PDE10A: variants seen among roughly 807,000 people sequenced by gnomAD.
The protein encoded by PDE10A is phosphodiesterase 10A.
Under a neutral mutation model 97.7 loss-of-function variants are expected in PDE10A, and 39 were observed. That is an observed-to-expected ratio of 0.40 (90% CI 0.31 to 0.52). The LOEUF is 0.52. Among genes scored for constraint, PDE10A ranks in the 20% least tolerant of loss-of-function variants. The pLI is 0.56. For synonymous variants in PDE10A, 371 were observed against 376.8 expected (o/e 0.98, Z 0.18); for missense variants, 731 against 1,047.8 (o/e 0.70, Z 4.17).
chr6:165,411,044 G>A (rs112903158), intron 13 of PDE10A, among the ~76,000 whole-genome samples: 5,910 of 80,724 alleles, frequency 0.073, 453 homozygotes, highest in Middle Eastern at 0.1. Flanking sequence ...CCGAGACAGC[G>A]CCACTGCCCT....
intron 1 of PDE10A, among the ~76,000 whole-genome samples, chr6:165,908,419 G>A (rs896717146): frequency 6.6e-6 from 1 of 152,222 alleles, no homozygotes; most frequent in Non-Finnish European, 1.5e-5. Flanking sequence ...AAAAGAGAAA[G>A]GGGCTTTAAG....
chr6:165,666,340 A>G (rs1434838011), upstream of PDE10A, among the ~76,000 whole-genome samples: 2 of 152,208 alleles, frequency 1.3e-5, no homozygotes, highest in Non-Finnish European at 2.9e-5. Flanking sequence ...TGTTAAACTC[A>G]TCTACTTATA....
chr6:165,838,719 G>A (rs1028097299), intron 1 of PDE10A, among the ~76,000 whole-genome samples: 4 of 152,304 alleles, frequency 2.6e-5, no homozygotes, highest in East Asian at 1.9e-4. Flanking sequence ...TCCTACCTGC[G>A]AGATCTCAGG....
At chr6:165,691,097 CTTT>C (rs1562686848) in intron 1 of PDE10A, among the ~76,000 whole-genome samples, 13 of 41,816 alleles carry the variant, frequency 3.1e-4, no homozygotes, top group African/African-American at 1.1e-3. Flanking sequence ...CTCTCTCTCT[CTTT>C]CTCTCTCCCC....
At chr6:165,872,877 G>A (rs537325790) in intron 1 of PDE10A, among the ~76,000 whole-genome samples, 1 of 152,150 alleles carries the variant, frequency 6.6e-6, no homozygotes, top group Non-Finnish European at 1.5e-5. Flanking sequence ...TGTGCTTGTG[G>A]ACATCCCCAG....
chr6:165,887,575 C>A (rs1781662326), intron 1 of PDE10A, among the ~76,000 whole-genome samples: 1 of 152,146 alleles, frequency 6.6e-6, no homozygotes, highest in Non-Finnish European at 1.5e-5. Context: ...GCAGCGTTCC[C>A]AGGCCTTCTC....
chr6:165,881,152 T>C (rs999530821), intron 1 of PDE10A, among the ~76,000 whole-genome samples: 1 of 152,224 alleles, frequency 6.6e-6, no homozygotes, highest in East Asian at 1.9e-4. Flanking sequence ...GCTTCTCTGA[T>C]GTGTTTCACC....
intron 1 of PDE10A, among the ~76,000 whole-genome samples, chr6:165,670,357 G>A (rs1365832675): frequency 6.6e-6 from 1 of 152,144 alleles, no homozygotes; most frequent in Non-Finnish European, 1.5e-5. Context: ...ACAAAGGGTG[G>A]CTTTAAGACA....
chr6:165,970,566 A>T (rs1011638260), intron 1 of PDE10A, among the ~76,000 whole-genome samples: 2 of 152,234 alleles, frequency 1.3e-5, no homozygotes, highest in African/African-American at 4.8e-5. Flanking sequence ...TGTTTAAAAG[A>T]TTTAATAGAA....
chr6:165,353,443 G>T (rs1348728913), intron 18 of PDE10A, among the ~76,000 whole-genome samples: 1 of 152,130 alleles, frequency 6.6e-6, no homozygotes, highest in Non-Finnish European at 1.5e-5. Context: ...GGATGTATAG[G>T]CAGCTTTACG....
chr6:165,505,839 T>C (rs575350951), intron 2 of PDE10A, among the ~76,000 whole-genome samples: 6 of 152,196 alleles, frequency 3.9e-5, no homozygotes, highest in Admixed American at 2.6e-4. Context: ...TTGGTTGCAT[T>C]CAAAAGCTGG....
chr6:165,807,351 G>A (rs1158757780), intron 1 of PDE10A, among the ~76,000 whole-genome samples: 1 of 152,142 alleles, frequency 6.6e-6, no homozygotes, highest in Non-Finnish European at 1.5e-5. Flanking sequence ...AATCACTTTT[G>A]TTTCCATGAA....
chr6:165,368,234 G>C (rs1412062200), intron 18 of PDE10A, among the ~76,000 whole-genome samples: 1 of 152,200 alleles, frequency 6.6e-6, no homozygotes, highest in Non-Finnish European at 1.5e-5. Context: ...GGCCTCAAGT[G>C]ATCAGCCTGG....
intron 1 of PDE10A, among the ~76,000 whole-genome samples, chr6:165,618,974 G>GTC (rs1787858000): frequency 2.5e-5 from 3 of 118,522 alleles, no homozygotes; most frequent in African/African-American, 1.5e-4. Context: ...CTAGTGTAGT[G>GTC]TAGTCTAGTG....
In PDE10A at chr6:165,819,889, T is replaced by C. The variant is rs1779521263; in HGVS notation, c.-615+167640A>G. Among the ~76,000 whole-genome samples the C allele has an allele frequency of 6.6e-6, 1 of 152,194 alleles. No individual in the cohort carries two copies. The highest frequency in any genetic ancestry group is 2.4e-5 in the African/African-American group (1 of 41,424). On this transcript the variant is annotated intron_variant, in intron 1 of 19. Coordinates refer to the PDE10A transcript ENST00000366882. This position sits in a 1 kb window ranked among gnomAD's most constrained non-coding sequence, Gnocchi z 4.2. Reference sequence around the variant, plus strand: ...ATTGTTGAATGTTATTCAGCTCTGTTTGTATGTAATAATCAGTGGTTAATA... The same window carrying C: ...ATTGTTGAATGTTATTCAGCTCTGTCTGTATGTAATAATCAGTGGTTAATA...
intron 1 of PDE10A, among the ~76,000 whole-genome samples, chr6:165,705,774 T>C (rs1791693332): frequency 6.6e-6 from 1 of 152,224 alleles, no homozygotes; most frequent in African/African-American, 2.4e-5. Context: ...TTAAAAATAT[T>C]ACCATCATCT....
Position 165,418,882 on chromosome 6 carries a change from A to C in PDE10A, c.1654-105T>G. 2 of 826,588 alleles carry C rather than the reference A, an allele frequency of 2.4e-6. No homozygotes were observed. Among genetic ancestry groups the C allele is most frequent in the Non-Finnish European group, 3.9e-6 (2 of 515,574 alleles). 51.2% of individuals were successfully genotyped at this position (826,588 alleles called of 1,614,324 possible). On this transcript the variant is annotated intron_variant, in intron 10 of 21. Coordinates refer to ENST00000539869, the MANE Select transcript of PDE10A (RefSeq NM_001385079.1). The surrounding 1 kb of genome is among the most constrained non-coding windows in gnomAD (Gnocchi z 4.8). ...ATTAATTTCAGCTGTCCTATACTCTAATTGGTTGGTATTAGCATTATAAGT... is the reference window on the plus strand; with the variant it reads ...ATTAATTTCAGCTGTCCTATACTCTCATTGGTTGGTATTAGCATTATAAGT...
chr6:165,629,170 T>G (rs965303654), intron 1 of PDE10A, among the ~76,000 whole-genome samples: 11 of 152,166 alleles, frequency 7.2e-5, no homozygotes, highest in Non-Finnish European at 1.3e-4. Flanking sequence ...GTGCCGTGTG[T>G]GAGGAGAAAA....
At chr6:165,675,044 C>T (rs1790756982) in intron 1 of PDE10A, among the ~76,000 whole-genome samples, 1 of 152,206 alleles carries the variant, frequency 6.6e-6, no homozygotes, top group Admixed American at 6.5e-5. Context: ...CTTGAGTTTT[C>T]AGAGTAAGTC....
Sources: gnomAD v4.1 joint callset for allele counts (sites outside exome capture counted in the v4.1 genomes callset) on GRCh38, gnomAD v4.1.1 for gene constraint, Gnocchi (gnomAD v3.1) non-coding constraint, MANE v1.5 for transcripts, NCBI Gene and HGNC (gene_info 2026-07-23, HGNC 2026-07-21) for gene names.